Variants in TFPI observed in about 807,000 individuals in gnomAD.
TFPI encodes the protein tissue factor pathway inhibitor.
In TFPI, 15 loss-of-function variants were observed where a neutral mutation model predicts 34.6. The ratio of observed to expected loss-of-function variants is 0.43; its 90% CI spans 0.29 to 0.67. TFPI has a LOEUF of 0.67. Ranked by LOEUF, TFPI falls within the 30% of genes least tolerant of loss-of-function variation. TFPI has a pLI of 0.15. For synonymous variants in TFPI, 105 were observed against 120.1 expected (o/e 0.87, Z 0.82); for missense variants, 301 against 364.0 (o/e 0.83, Z 1.41).
chr2:187,508,391 T>C (rs1408114219), intron 1 of TFPI, among the ~76,000 whole-genome samples: 2 of 152,250 alleles, frequency 1.3e-5, no homozygotes, highest in Non-Finnish European at 2.9e-5. Flanking sequence ...ATTGAATCTA[T>C]AAATTGGGCA....
intron 1 of TFPI, among the ~76,000 whole-genome samples, chr2:187,552,618 C>T (rs1334253606): frequency 3.3e-5 from 5 of 151,934 alleles, no homozygotes; most frequent in African/African-American, 9.7e-5. Context: ...ATAACATAAT[C>T]CATTTGGACA....
At chr2:187,553,590 T>G (rs1689170563) in intron 1 of TFPI, among the ~76,000 whole-genome samples, 1 of 152,188 alleles carries the variant, frequency 6.6e-6, no homozygotes, top group Non-Finnish European at 1.5e-5. Context: ...ATTTACAAAA[T>G]TGCACAACAT....
intron 3 of TFPI, among the ~76,000 whole-genome samples, chr2:187,490,690 T>A (rs1320638478): frequency 6.6e-6 from 1 of 151,700 alleles, no homozygotes. Flanking sequence ...ACCTTTTAAC[T>A]GGCGTGACTG....
Position 187,465,492 on chromosome 2 carries a change from G to GAAAAAAAAAAAAAAAAA in TFPI, c.*1443_*1444insTTTTTTTTTTTTTTTTT, listed in dbSNP as rs199557966. The GAAAAAAAAAAAAAAAAA allele has an allele frequency of 2.9e-5, 2 of 67,834 alleles. No individual in the cohort carries two copies. Among genetic ancestry groups the GAAAAAAAAAAAAAAAAA allele is most frequent in the Non-Finnish European group, 5.6e-5 (2 of 35,774 alleles). The allele number at this position is 67,834 out of a possible 1,614,324, so 4.2% of individuals were successfully genotyped here. A position where few individuals can be genotyped will look rare whatever the true frequency, so the allele number is the denominator to read the frequency against. The stretch of plus-strand genomic sequence containing the variant: ...AAAACATAACAAAACAAAACAAAAT[G>GAAAAAAAAAAAAAAAAA]AAAAAAAAAAAAAAACAAGAAAAAA... On this transcript the variant is annotated 3_prime_UTR_variant, in exon 8 of 8. Coordinates refer to ENST00000233156, the MANE Select transcript of TFPI (RefSeq NM_006287.6).
chr2:187,492,116 G>A (rs1685163079), intron 3 of TFPI, among the ~76,000 whole-genome samples: 3 of 152,086 alleles, frequency 2.0e-5, no homozygotes, highest in Admixed American at 1.3e-4. Context: ...CCAATACACA[G>A]TTTGCAAATA....
intron 4 of TFPI, 88 bp downstream of exon 4, chr2:187,488,249 G>A: frequency 2.7e-6 from 3 of 1,128,834 alleles, no homozygotes; most frequent in Non-Finnish European, 3.8e-6. Context: ...TCAGGGACCA[G>A]AAAAAACAAA....
At position 187,496,959 on chromosome 2, in the gene TFPI, C is replaced by A. The variant is rs1195708100; in HGVS notation, c.241G>T (p.Glu81Ter). The part of the protein sequence containing the change: ...FFNIFTRQCE[E>*]FIYGGCEGNQ... ...CCTTCACATCCCCCATATATAAATTCTTCGCACTGTCGAGTGAAAATATTG... is the reference window on the plus strand; with the variant it reads ...CCTTCACATCCCCCATATATAAATTATTCGCACTGTCGAGTGAAAATATTG... The change falls in exon 3 of 8, where the codon GAA becomes TAA. Residue 81 changes from glutamate to a stop codon, truncating the protein, a stop_gained. Coordinates refer to ENST00000233156, the MANE Select transcript of TFPI (RefSeq NM_006287.6). LOFTEE classifies it high-confidence loss of function. 1.2e-6 allele frequency: 2 copies of A among 1,613,288 alleles called. No homozygotes were observed. Among genetic ancestry groups the A allele is most frequent in the Admixed American group, 1.7e-5 (1 of 59,940 alleles).
At chr2:187,539,947 G>GGA (rs1296933076) in intron 1 of TFPI, among the ~76,000 whole-genome samples, 12 of 147,656 alleles carry the variant, frequency 8.1e-5, no homozygotes, top group African/African-American at 3.0e-4. Flanking sequence ...TCACCAGGCT[G>GGA]GAGTGCAGTG....
chr2:187,520,728 C>G (rs1389193123), intron 1 of TFPI: 1 of 152,004 alleles, frequency 6.6e-6, no homozygotes, highest in Non-Finnish European at 1.5e-5. Context: ...TACTTTTGCA[C>G]CAGATATTTG....
intron 1 of TFPI, among the ~76,000 whole-genome samples, chr2:187,528,891 T>A (rs1404733847): frequency 6.6e-6 from 1 of 152,076 alleles, no homozygotes. Context: ...AAAATCATAT[T>A]TAACACTGAT....
rs1054111641 is a variant in TFPI at position 187,526,918 on chromosome 2, G to A, written c.-2-23148C>T. 1.1e-4 allele frequency: 16 copies of A among 152,236 alleles called. No homozygotes were observed. In the East Asian group the frequency reaches 1.3e-3, roughly 13 times the overall value. 9.4% of individuals were successfully genotyped at this position (152,236 alleles called of 1,614,324 possible). On this transcript the variant is annotated intron_variant, in intron 1 of 7. Transcript: ENST00000233156. ...AATTGAAGAATCTTTCTAATTTTCT[G>A]CTCAGCAGTGGCTAATGTTGTTGTC...
intron 1 of TFPI, among the ~76,000 whole-genome samples, chr2:187,541,161 T>G (rs2106302752): frequency 6.6e-6 from 1 of 152,306 alleles, no homozygotes; most frequent in Non-Finnish European, 1.5e-5. Context: ...ACATGTATAC[T>G]TGAAAGTTTT....
At chr2:187,534,053 G>T (rs1300839741) in intron 1 of TFPI, among the ~76,000 whole-genome samples, 2 of 152,170 alleles carry the variant, frequency 1.3e-5, no homozygotes, top group Non-Finnish European at 1.5e-5. Flanking sequence ...AAGCCTCCAA[G>T]AAATATGAGA....
At chr2:187,516,129 G>A (rs1686990427) in intron 1 of TFPI, 1 of 152,178 alleles carries the variant, frequency 6.6e-6, no homozygotes, top group African/African-American at 2.4e-5. Flanking sequence ...AACTGTTTTA[G>A]CCCAGCAAAA....
intron 6 of TFPI, chr2:187,478,457 C>CT (rs533180431): frequency 6.1e-6 from 3 of 492,772 alleles, no homozygotes; most frequent in Non-Finnish European, 9.5e-6. Flanking sequence ...AAAAAAATGA[C>CT]TTTTTTTCCA....
intron 1 of TFPI, among the ~76,000 whole-genome samples, chr2:187,513,438 G>T (rs901971099): frequency 6.6e-6 from 1 of 151,964 alleles, no homozygotes; most frequent in Non-Finnish European, 1.5e-5. Context: ...TTACTTATCT[G>T]GTATAAAAAT....
At chr2:187,542,986 G>A (rs1688663307) in intron 1 of TFPI, among the ~76,000 whole-genome samples, 1 of 151,954 alleles carries the variant, frequency 6.6e-6, no homozygotes, top group Non-Finnish European at 1.5e-5. Flanking sequence ...ATATTTGAAT[G>A]ATTATATTTG....
chr2:187,507,212 T>C lies in TFPI; in HGVS notation c.-2-3442A>G, dbSNP rs187905169. On this transcript the variant is annotated intron_variant, in intron 1 of 7. Transcript: ENST00000233156. The stretch of plus-strand genomic sequence containing the variant: ...CTGAGAATGATGGTTTCCAGCTTCA[T>C]CCATGTCTCTGCAAAGGACATGAAC... Among the ~76,000 whole-genome samples the C allele has an allele frequency of 6.7e-3, 1,026 of 152,288 alleles. 14 individuals are homozygous for C. Among genetic ancestry groups the C allele is most frequent in the African/African-American group, 0.023 (974 of 41,554 alleles).
chr2:187,530,992 A>G (rs1182386467), intron 1 of TFPI, among the ~76,000 whole-genome samples: 1 of 152,188 alleles, frequency 6.6e-6, no homozygotes, highest in African/African-American at 2.4e-5. Context: ...TTATTACTTA[A>G]CTAATCATTT....
Sources: allele counts gnomAD v4.1 joint callset (sites outside exome capture counted in the v4.1 genomes callset), GRCh38; gene constraint gnomAD v4.1.1; transcripts MANE v1.5; gene names NCBI Gene and HGNC (gene_info 2026-07-23, HGNC 2026-07-21).